CDC42BPA: variants seen among roughly 807,000 people sequenced by gnomAD.
CDC42BPA encodes CDC42 binding protein kinase alpha.
CDC42BPA carries 80 observed loss-of-function variants against 223.5 expected under a neutral mutation model. The observed-to-expected ratio is 0.36, with a 90% CI of 0.30 to 0.43. The LOEUF (loss-of-function observed/expected upper bound fraction) is 0.43. CDC42BPA is among the 20% of genes least tolerant of loss of function. The pLI is 1.00. For synonymous variants in CDC42BPA, 694 were observed against 718.6 expected (o/e 0.97, Z 0.55); for missense variants, 1,743 against 2,099.9 (o/e 0.83, Z 3.32).
chr1:227,151,161 T>C (rs1513623), intron 6 of CDC42BPA, among the ~76,000 whole-genome samples: 141,565 of 152,108 alleles, frequency 0.93, 66,070 homozygotes, highest in South Asian at 0.98. Context: ...TTCCCCCATT[T>C]CCCCTTCCCC....
chr1:227,057,657 G>A (rs1558395649), intron 21 of CDC42BPA, among the ~76,000 whole-genome samples: 1 of 152,142 alleles, frequency 6.6e-6, no homozygotes, highest in Non-Finnish European at 1.5e-5. Flanking sequence ...AAAATTGAAG[G>A]AGGCCAGGAA....
rs778889428 is a variant in CDC42BPA, at chr1:227,026,096, C to T, written c.4489G>A (p.Val1497Met). 3 of 1,608,436 alleles carry T rather than the reference C, an allele frequency of 1.9e-6. No individual in the cohort carries two copies. Among genetic ancestry groups the T allele is most frequent in the African/African-American group, 1.3e-5 (1 of 74,724 alleles). Residue 1497 changes from valine to methionine, a missense_variant, in exon 31 of 37, where the codon GTG becomes ATG. Physicochemically the swap from Val to Met is conservative, Grantham distance 21. This residue lies in a region of CDC42BPA where 678 missense variants were observed against 777.5 expected (regional missense o/e 0.87). Transcript: ENST00000366766. ...YSENAVDIFDVNSMEWIQTLP... is the reference protein window; with the variant it reads ...YSENAVDIFDMNSMEWIQTLP... ...GTCTGAATCCATTCCATGGAGTTCACATCAAAGATATCAACTGCATTTTCA... is the reference window on the plus strand; with the variant it reads ...GTCTGAATCCATTCCATGGAGTTCATATCAAAGATATCAACTGCATTTTCA...
intron 1 of CDC42BPA, among the ~76,000 whole-genome samples, chr1:227,296,895 AC>A (rs1690742781): frequency 6.6e-6 from 1 of 152,152 alleles, no homozygotes; most frequent in Admixed American, 6.5e-5. Flanking sequence ...TGAAAAAGCA[AC>A]CTACAGAATG....
At position 227,172,129 on chromosome 1, in the gene CDC42BPA, C is replaced by T. The variant is rs750088016; in HGVS notation, c.600-11493G>A. On this transcript the variant is annotated intron_variant, in intron 5 of 36. Coordinates refer to ENST00000366766, the MANE Select transcript of CDC42BPA (RefSeq NM_001394014.1). ...TCTTAATTTTGTCAAAGAAATATTA[C>T]ATCAGTAATAAAAGAAAGTCCACAC... Among the ~76,000 whole-genome samples the T allele has an allele frequency of 5.3e-5, 8 of 152,236 alleles. No individual in the cohort carries two copies. The East Asian group carries it at 1.5e-3, about 29-fold the overall frequency.
chr1:227,141,039 G>GA (rs1352132798), intron 9 of CDC42BPA, among the ~76,000 whole-genome samples: 2 of 152,216 alleles, frequency 1.3e-5, no homozygotes, highest in Non-Finnish European at 2.9e-5. Flanking sequence ...GAAGACAGGA[G>GA]AAGGTGGTAT....
rs111675439 is a variant in CDC42BPA, at chr1:227,074,157, A to G, written c.2586+102T>C. 1,097 of 1,321,256 alleles carry G rather than the reference A, an allele frequency of 8.3e-4. 13 individuals carry two copies. In the African/African-American group the frequency reaches 0.015, roughly 18 times the overall value. 81.8% of individuals were successfully genotyped at this position (1,321,256 alleles called of 1,614,324 possible). The stretch of plus-strand genomic sequence containing the variant: ...CATAAAAAACTCTTTAGTAGGCTCA[A>G]AGTCTAAACAAACTGATATAAGTAA... On this transcript the variant is annotated intron_variant, in intron 18 of 36. Transcript: ENST00000366766.
chr1:227,187,689 C>CAA (rs57854182), intron 5 of CDC42BPA, among the ~76,000 whole-genome samples: 1 of 56,204 alleles, frequency 1.8e-5, no homozygotes, highest in Admixed American at 2.4e-4. Flanking sequence ...ACCCCCCCCC[C>CAA]AAAAAAAAAA....
At chr1:227,030,564 GA>G in intron 28 of CDC42BPA, 94 bp from the exon 29 acceptor site, 1 of 700,626 alleles carries the variant, frequency 1.4e-6, no homozygotes, top group South Asian at 1.9e-5. Context: ...GCAAAAAATG[GA>G]AATAAAATGA....
intron 21 of CDC42BPA, chr1:227,068,670 A>G (rs1171800239): frequency 8.3e-7 from 1 of 1,209,500 alleles, no homozygotes; most frequent in Non-Finnish European, 1.1e-6. Context: ...CAAAAAATCA[A>G]TCAGTGAAGA....
intron 1 of CDC42BPA, among the ~76,000 whole-genome samples, chr1:227,254,416 C>T (rs1025377086): frequency 1.3e-5 from 2 of 151,958 alleles, no homozygotes; most frequent in African/African-American, 4.8e-5. Flanking sequence ...TAAAAGAATG[C>T]AAAGCAAGGG....
intron 32 of CDC42BPA, among the ~76,000 whole-genome samples, chr1:227,019,018 A>C (rs1305688225): frequency 6.6e-6 from 1 of 152,158 alleles, no homozygotes; most frequent in Non-Finnish European, 1.5e-5. Flanking sequence ...AGACATCAAT[A>C]AAGTTTGCCA....
At chr1:227,267,963 T>C (rs964065137) in intron 1 of CDC42BPA, among the ~76,000 whole-genome samples, 1 of 152,156 alleles carries the variant, frequency 6.6e-6, no homozygotes, top group African/African-American at 2.4e-5. Flanking sequence ...TTCATACTAG[T>C]AGCACGTATT....
intron 2 of CDC42BPA, among the ~76,000 whole-genome samples, chr1:227,248,578 GTGAAAACTACAGA>G (rs761166437): frequency 3.9e-5 from 6 of 152,126 alleles, no homozygotes; most frequent in Non-Finnish European, 5.9e-5. Context: ...GATGTCTACA[GTGAAAACTACAGA>G]ACACAAATGC....
intron 25 of CDC42BPA, 105 bp from the exon 26 acceptor site, chr1:227,034,899 G>T: frequency 4.0e-6 from 4 of 994,924 alleles, no homozygotes; most frequent in Non-Finnish European, 1.4e-6. Flanking sequence ...TAATGTACAC[G>T]TTTTATAAGT....
At position 227,317,329 on chromosome 1, in the gene CDC42BPA, A is replaced by AT. The variant is rs1694567815; in HGVS notation, c.-148dup. 1 of 747,518 alleles carries AT rather than the reference A, an allele frequency of 1.3e-6. No homozygotes were observed. Among genetic ancestry groups the AT allele is most frequent in the Non-Finnish European group, 2.1e-6 (1 of 473,928 alleles). 46.3% of individuals were successfully genotyped at this position (747,518 alleles called of 1,614,324 possible). On this transcript the variant is annotated 5_prime_UTR_variant, in exon 1 of 37. In the 5' UTR this introduces an upstream ATG that the reference lacks. Transcript: ENST00000366766. ...ATGCAATGCTGGTGCTGAATTAAAC[A>AT]TCCAACACACCAGTAACCTCACTTA... is the stretch of plus-strand genomic sequence containing the variant.
chr1:227,208,212 TG>T (rs1195093969), intron 3 of CDC42BPA, among the ~76,000 whole-genome samples: 1 of 151,438 alleles, frequency 6.6e-6, no homozygotes, highest in East Asian at 1.9e-4. Context: ...TTGATGGGGT[TG>T]TTTTTTTCTT....
chr1:227,109,094 T>C (rs971206622), intron 14 of CDC42BPA, among the ~76,000 whole-genome samples: 1 of 152,142 alleles, frequency 6.6e-6, no homozygotes, highest in Non-Finnish European at 1.5e-5. Context: ...GTATGTCATA[T>C]AGAGCATTAT....
At chr1:227,119,011 C>A (rs1688208073) in intron 12 of CDC42BPA, among the ~76,000 whole-genome samples, 2 of 152,096 alleles carry the variant, frequency 1.3e-5, no homozygotes, top group Admixed American at 6.5e-5. Flanking sequence ...TCCTTCCTGG[C>A]ACCAAGACTT....
intron 1 of CDC42BPA, chr1:227,264,884 A>T: frequency 6.7e-7 from 1 of 1,502,140 alleles, no homozygotes. Context: ...AGAATTTTTC[A>T]ATTCCTCTTC....
Sources: gnomAD v4.1 joint callset for allele counts (sites outside exome capture counted in the v4.1 genomes callset) on GRCh38, gnomAD v4.1.1 for gene constraint, gnomAD v4.1.1 regional missense constraint, MANE v1.5 for transcripts, NCBI Gene and HGNC (gene_info 2026-07-23, HGNC 2026-07-21) for gene names.